The following NFIX variants were observed in gnomAD, a reference collection of about 807,000 sequenced individuals.
NFIX encodes nuclear factor 1 X-type.
A neutral mutation model predicts 53.3 loss-of-function variants in NFIX; 2 were observed. The ratio of observed to expected loss-of-function variants is 0.04; its 90% confidence interval spans 0.02 to 0.12. The LOEUF is 0.12. NFIX is among the 10% of genes least tolerant of loss of function. NFIX has a pLI of 1.00. For synonymous variants in NFIX, 244 were observed against 289.0 expected, an observed-to-expected ratio of 0.84 and a Z score of 1.58; for missense variants, 310 against 674.5, an observed-to-expected ratio of 0.46 and a Z score of 5.99.
rs1005641211 is a variant in NFIX, at chr19:13,073,203, C to T, written c.622+94C>T. On this transcript the variant is annotated intron_variant, in intron 3 of 10. Coordinates refer to ENST00000592199, the MANE Select transcript of NFIX (RefSeq NM_001365902.3). The surrounding 1 kb of genome is among the most constrained non-coding windows in gnomAD (Gnocchi z 4.5). ...CTGCCCTGGCCACCCTCACTTCTTC[C>T]CCTTCATTCAGCTGTCCCTTGACTG... 28 of 1,243,798 alleles carry T rather than the reference C, an allele frequency of 2.3e-5. No homozygotes were observed. The South Asian group carries it at 2.4e-4, about 11-fold the overall frequency. The allele number at this position is 1,243,798 out of a possible 1,614,324, so 77.0% of individuals were successfully genotyped here.
Position 13,052,375 on chromosome 19 carries a change from C to G in NFIX, c.560-20672C>G, listed in dbSNP as rs1042458787. Among the ~76,000 whole-genome samples the G allele has an allele frequency of 6.6e-6, 1 of 152,116 alleles. No individual in the cohort carries two copies. The highest frequency in any genetic ancestry group is 2.4e-5 in the African/African-American group (1 of 41,430). ...GCTGGGGGTAGAGCCCAGATGGGAG[C>G]CCACCTGGATGGCACGAACCACCTG... is the stretch of plus-strand genomic sequence containing the variant. On this transcript the variant is annotated intron_variant, in intron 2 of 10. Coordinates refer to ENST00000592199, the MANE Select transcript of NFIX (RefSeq NM_001365902.3). This position sits in a 1 kb window ranked among gnomAD's most constrained non-coding sequence, Gnocchi z 5.2.
In NFIX at chr19:13,009,693, C is replaced by T. The variant is rs2012225135; in HGVS notation, c.27+13829C>T. On this transcript the variant is annotated intron_variant, in intron 1 of 10. Coordinates refer to ENST00000592199, the MANE Select transcript of NFIX (RefSeq NM_001365902.3). This position sits in a 1 kb window ranked among gnomAD's most constrained non-coding sequence, Gnocchi z 4.7. ...GGAAAACAGGGCCACGCCCTCCCCA[C>T]CAAATGCTACTTGGCTCCAAGTGGG... Among the ~76,000 whole-genome samples the T allele has an allele frequency of 6.6e-6, 1 of 152,254 alleles. No individual in the cohort carries two copies. The highest frequency in any genetic ancestry group is 6.5e-5 in the Admixed American group (1 of 15,286).
At chr19:13,016,826 C>G (rs781640055) in intron 1 of NFIX, among the ~76,000 whole-genome samples, 2 of 152,138 alleles carry the variant, frequency 1.3e-5, no homozygotes, top group South Asian at 2.1e-4. Flanking sequence ...CAGCCCTTGC[C>G]GGGCTCCTTC....
chr19:13,030,894 G>A (rs777653967), intron 2 of NFIX, among the ~76,000 whole-genome samples: 10 of 152,236 alleles, frequency 6.6e-5, no homozygotes, highest in Non-Finnish European at 1.5e-4. Context: ...ATCAGTTAGA[G>A]CATTTAACCA....
intron 2 of NFIX, among the ~76,000 whole-genome samples, chr19:13,034,702 G>A (rs1325745553): frequency 6.6e-6 from 1 of 152,116 alleles, no homozygotes; most frequent in Non-Finnish European, 1.5e-5. Flanking sequence ...GCTACTCATT[G>A]CCTTTTTCAC....
In NFIX at chr19:13,011,244, A is replaced by G. The variant is rs998642421; in HGVS notation, c.28-13777A>G. On this transcript the variant is annotated intron_variant, in intron 1 of 10. Transcript: ENST00000592199. This position sits in a 1 kb window ranked among gnomAD's most constrained non-coding sequence, Gnocchi z 6.5. ...CGAATCCCGCAGCCCCAGAAACACA[A>G]TCGCGGGGGTGGGTGCTGGCGGCGA... Among the ~76,000 whole-genome samples, 2 of 151,946 alleles carry G rather than the reference A, an allele frequency of 1.3e-5. No homozygotes were observed. The highest frequency in any genetic ancestry group is 4.8e-5 in the African/African-American group (2 of 41,366).
intron 8 of NFIX, among the ~76,000 whole-genome samples, chr19:13,086,531 T>C (rs1356464977): frequency 1.3e-5 from 2 of 152,164 alleles, no homozygotes; most frequent in African/African-American, 4.8e-5. Context: ...GGCCTGTTAA[T>C]GCTTGGACTG....
chr19:13,015,830 T>C (rs1457500390), intron 1 of NFIX, among the ~76,000 whole-genome samples: 2 of 123,004 alleles, frequency 1.6e-5, no homozygotes, highest in East Asian at 5.6e-4. Flanking sequence ...GCACACGCAC[T>C]CTGCAGCAGT....
At chr19:13,053,382 G>A (rs1003987014) in intron 2 of NFIX, among the ~76,000 whole-genome samples, 6 of 152,092 alleles carry the variant, frequency 3.9e-5, no homozygotes, top group Non-Finnish European at 8.8e-5. Context: ...TTTTTTTTAA[G>A]TTTCCCAAAC....
chr19:13,043,476 A>G lies in NFIX; in HGVS notation c.559+17924A>G, dbSNP rs567196358. On this transcript the variant is annotated intron_variant, in intron 2 of 10. Coordinates refer to ENST00000592199, the MANE Select transcript of NFIX (RefSeq NM_001365902.3). The surrounding 1 kb of genome is among the most constrained non-coding windows in gnomAD (Gnocchi z 4.0). ...CCCATGCTGGCCGCCAGCACGTGCC[A>G]GAGAGCTCCTGAGGAAGCAGCTGCT... Among the ~76,000 whole-genome samples, 10 of 152,316 alleles carry G rather than the reference A, an allele frequency of 6.6e-5. No homozygotes were observed. Among genetic ancestry groups the G allele is most frequent in the Admixed American group, 5.9e-4 (9 of 15,310 alleles).
intron 1 of NFIX, among the ~76,000 whole-genome samples, chr19:13,016,786 C>T (rs2012693412): frequency 6.6e-6 from 1 of 152,030 alleles, no homozygotes; most frequent in South Asian, 2.1e-4. Context: ...CAGAACTGCT[C>T]AGGCCAGCAA....
In NFIX at chr19:13,073,374, G is replaced by T. The variant is rs1555705094; in HGVS notation, c.623-48G>T. 4.7e-6 allele frequency: 7 copies of T among 1,487,338 alleles called. No homozygotes were observed. The South Asian group carries it at 5.6e-5, about 12-fold the overall frequency. 92.1% of individuals were successfully genotyped at this position (1,487,338 alleles called of 1,614,324 possible). A position where few individuals can be genotyped will look rare whatever the true frequency, so the allele number is the denominator to read the frequency against. ...GAAGACCTTTGGAAATAGCCAGGCA[G>T]CCCCCTTCTGGCCTTGTCTTGACTC... is the stretch of plus-strand genomic sequence containing the variant. On this transcript the variant is annotated intron_variant, in intron 3 of 10. Transcript: ENST00000592199. This position sits in a 1 kb window ranked among gnomAD's most constrained non-coding sequence, Gnocchi z 4.5.
Position 13,067,322 on chromosome 19 carries a change from G to A in NFIX, c.560-5725G>A, listed in dbSNP as rs917025077. Among the ~76,000 whole-genome samples the A allele has an allele frequency of 6.6e-6, 1 of 152,208 alleles. No individual in the cohort carries two copies. The highest frequency in any genetic ancestry group is 6.5e-5 in the Admixed American group (1 of 15,292). Reference sequence around the variant, plus strand: ...AGGGGATGGGCAGGCACACCCCAAGGGCTGTTCTCCCCGTTTCCAAAGGCC... The same window carrying A: ...AGGGGATGGGCAGGCACACCCCAAGAGCTGTTCTCCCCGTTTCCAAAGGCC... On this transcript the variant is annotated intron_variant, in intron 2 of 10. Coordinates refer to ENST00000592199, the MANE Select transcript of NFIX (RefSeq NM_001365902.3). This position sits in a 1 kb window ranked among gnomAD's most constrained non-coding sequence, Gnocchi z 4.2.
At chr19:13,069,842 A>G (rs1412288042) in intron 2 of NFIX, 1 of 152,268 alleles carries the variant, frequency 6.6e-6, no homozygotes, top group Admixed American at 6.5e-5. Flanking sequence ...GGTGGCTCTG[A>G]TAAGCCCCAT....
Position 13,072,162 on chromosome 19 carries a change from C to A in NFIX, c.560-885C>A, listed in dbSNP as rs1181966468. On this transcript the variant is annotated intron_variant, in intron 2 of 10. Transcript: ENST00000592199. This position sits in a 1 kb window ranked among gnomAD's most constrained non-coding sequence, Gnocchi z 4.0. ...ACCACCCTCTCGCCAGCTGTCATGC[C>A]CAGGCAGGCATTCTGGAGGTCCCCG... 6.6e-6 allele frequency among the ~76,000 whole-genome samples: 1 copy of A among 152,240 alleles called. No homozygotes were observed. The highest frequency in any genetic ancestry group is 6.5e-5 in the Admixed American group (1 of 15,290).
chr19:13,003,254 A>C (rs994412999), intron 1 of NFIX, among the ~76,000 whole-genome samples: 1 of 151,902 alleles, frequency 6.6e-6, no homozygotes, highest in Non-Finnish European at 1.5e-5. Flanking sequence ...TCTTGCCCTC[A>C]CTCACAGACA....
At position 13,036,567 on chromosome 19, in the gene NFIX, G is replaced by A. The variant is rs942367188; in HGVS notation, c.559+11015G>A. 6.6e-6 allele frequency among the ~76,000 whole-genome samples: 1 copy of A among 152,136 alleles called. No homozygotes were observed. The highest frequency in any genetic ancestry group is 6.5e-5 in the Admixed American group (1 of 15,274). ...TGTGTGGAGCGATCGGGAGATCCCCGGAGGCGACCTGCAGGAGGCCAGCCG... is the reference window on the plus strand; with the variant it reads ...TGTGTGGAGCGATCGGGAGATCCCCAGAGGCGACCTGCAGGAGGCCAGCCG... On this transcript the variant is annotated intron_variant, in intron 2 of 10. Coordinates refer to ENST00000592199, the MANE Select transcript of NFIX (RefSeq NM_001365902.3). This position sits in a 1 kb window ranked among gnomAD's most constrained non-coding sequence, Gnocchi z 4.7.
chr19:13,064,637 C>T (rs1372642290), intron 2 of NFIX, among the ~76,000 whole-genome samples: 1 of 152,222 alleles, frequency 6.6e-6, no homozygotes, highest in Non-Finnish European at 1.5e-5. Context: ...AAGGGAGCCC[C>T]TCTGTTCACT....
intron 2 of NFIX, among the ~76,000 whole-genome samples, chr19:13,044,938 G>A (rs369926235): frequency 6.8e-4 from 104 of 152,294 alleles, no homozygotes; most frequent in African/African-American, 2.4e-3. Flanking sequence ...TGGGACAAGA[G>A]GCAGGTCAGG....
Sources: gnomAD v4.1 joint callset for allele counts (sites outside exome capture counted in the v4.1 genomes callset) on GRCh38, gnomAD v4.1.1 for gene constraint, Gnocchi (gnomAD v3.1) non-coding constraint, MANE v1.5 for transcripts, NCBI Gene and HGNC (gene_info 2026-07-23, HGNC 2026-07-21) for gene names.